Variants in DMD observed in about 807,000 individuals in gnomAD.
DMD encodes mutant dystrophin.
DMD carries 63 observed loss-of-function variants against 330.1 expected under a neutral mutation model. The observed-to-expected ratio is 0.19, with a 90% CI of 0.16 to 0.24. The LOEUF (loss-of-function observed/expected upper bound fraction) is 0.24. Ranked by LOEUF, DMD falls within the 10% of genes least tolerant of loss-of-function variation. The pLI is 1.00. For synonymous variants in DMD, 1,223 were observed against 959.8 expected, an observed-to-expected ratio of 1.27 and a Z score of -5.07; for missense variants, 3,344 against 2,684.1, an observed-to-expected ratio of 1.25 and a Z score of -5.43.
chrX:32,380,847 A>T (rs895030480), intron 33 of DMD, among the ~76,000 whole-genome samples, 167 bp from the exon 34 acceptor site: 32 of 111,494 alleles, frequency 2.9e-4, no homozygotes, highest in African/African-American at 9.4e-4. Flanking sequence ...TTAAGAGTGA[A>T]TAAAAACTGT....
chrX:32,598,286 T>C (rs1163560647), intron 12 of DMD, among the ~76,000 whole-genome samples: 1 of 112,036 alleles, frequency 8.9e-6, no homozygotes, highest in East Asian at 2.8e-4. Context: ...TAATGGTTAA[T>C]AAAACTCTTT....
rs398124046 is a variant in DMD, at chrX:31,773,950, T to C, written c.7542+10A>G. 6 of 1,196,502 alleles carry C rather than the reference T, an allele frequency of 5.0e-6. No homozygotes were observed. In the Admixed American group the frequency reaches 1.1e-4, roughly 22 times the overall value. On this transcript the variant is annotated intron_variant, in intron 51 of 78. Transcript: ENST00000357033. ...AAACTTCTGCCAACTTTTATCATTT[T>C]TTCTCATACCTTCTGCTTGATGATC...
At chrX:32,742,698 C>T (rs1413070102) in intron 7 of DMD, among the ~76,000 whole-genome samples, 1 of 111,803 alleles carries the variant, frequency 8.9e-6, no homozygotes, top group East Asian at 2.8e-4. Flanking sequence ...CAAGGCAACA[C>T]AGACATTGGG....
At chrX:31,247,368 G>A (rs1033178661) in intron 63 of DMD, among the ~76,000 whole-genome samples, 1 of 110,985 alleles carries the variant, frequency 9.0e-6, no homozygotes, top group Non-Finnish European at 1.9e-5. Context: ...TTGGGAGGCC[G>A]AGGCAGGTGG....
rs754162660 is a variant in DMD, at chrX:32,013,093, C to CTTTTTTTTTTTTTTTTTTTTTTTTTT, written c.6439-44580_6439-44579insAAAAAAAAAAAAAAAAAAAAAAAAAA. On this transcript the variant is annotated intron_variant, in intron 44 of 78. Coordinates refer to ENST00000357033, the MANE Select transcript of DMD (RefSeq NM_004006.3). ...GGAAATTAATCTTTTCTTTTCTTTCCTTTTTTTTTTTTTGAGATGGAATCT... is the reference window on the plus strand; with the variant it reads ...GGAAATTAATCTTTTCTTTTCTTTCCTTTTTTTTTTTTTTTTTTTTTTTTTTTTTTTTTTTTTTTGAGATGGAATCT... Among the ~76,000 whole-genome samples, 17 of 61,191 alleles carry CTTTTTTTTTTTTTTTTTTTTTTTTTT rather than the reference C, an allele frequency of 2.8e-4. 1 individual carries two copies. Among genetic ancestry groups the CTTTTTTTTTTTTTTTTTTTTTTTTTT allele is most frequent in the East Asian group, 1.3e-3 (2 of 1,537 alleles). The allele number at this position is 61,191 out of a possible 115,157, so 53.1% of individuals were successfully genotyped here.
chrX:31,407,596 C>G (rs1476014093), intron 60 of DMD, among the ~76,000 whole-genome samples: 5 of 107,529 alleles, frequency 4.6e-5, no homozygotes, highest in Non-Finnish European at 9.6e-5. Flanking sequence ...CTCAGCCTCC[C>G]GAGTAGCTGG....
Position 32,895,790 on chromosome X carries a change from G to A in DMD, c.94-45970C>T, listed in dbSNP as rs766812786. On this transcript the variant is annotated intron_variant, in intron 2 of 78. Transcript: ENST00000357033. ...AGAGAATTCTGATATTTATATATTCGGCTGAGGTTGAGAGCTTTCAAGGAT... is the reference window on the plus strand; with the variant it reads ...AGAGAATTCTGATATTTATATATTCAGCTGAGGTTGAGAGCTTTCAAGGAT... Among the ~76,000 whole-genome samples, 26 of 110,370 alleles carry A rather than the reference G, an allele frequency of 2.4e-4. 1 individual carries two copies. The highest frequency in any genetic ancestry group is 2.0e-4 in the Admixed American group (2 of 10,214).
intron 21 of DMD, among the ~76,000 whole-genome samples, chrX:32,480,780 G>A (rs1203706425): frequency 9.1e-6 from 1 of 110,400 alleles, no homozygotes; most frequent in African/African-American, 3.3e-5. Context: ...CTCACAATAA[G>A]CACATAGCTT....
At chrX:31,836,931 G>C in intron 48 of DMD, 112 bp from the exon 49 acceptor site, 1 of 595,815 alleles carries the variant, frequency 1.7e-6, no homozygotes, top group Non-Finnish European at 2.7e-6. Context: ...ATTTCTGCCT[G>C]GTACATAAGG....
chrX:32,428,811 C>T (rs766642088), intron 29 of DMD, among the ~76,000 whole-genome samples: 336 of 111,393 alleles, frequency 3.0e-3, no homozygotes, highest in African/African-American at 0.011. Context: ...GGGGTTTCAC[C>T]ATGCTGCCCA....
At position 31,195,066 on chromosome X, in the gene DMD, G is replaced by T. The variant is rs2042746016; in HGVS notation, c.9807+8895C>A. ...AAGAGTTGTCTTTGTGAGACAAGAA[G>T]AAGTAAAAGGCTTCCCATAACTACC... On this transcript the variant is annotated intron_variant, in intron 67 of 78. Coordinates refer to ENST00000357033, the MANE Select transcript of DMD (RefSeq NM_004006.3). Among the ~76,000 whole-genome samples, 5 of 111,997 alleles carry T rather than the reference G, an allele frequency of 4.5e-5. No individual in the cohort carries two copies. In the Admixed American group the frequency reaches 4.7e-4, roughly 11 times the overall value.
At chrX:32,406,386 G>T (rs774639765) in intron 30 of DMD, among the ~76,000 whole-genome samples, 2 of 110,322 alleles carry the variant, frequency 1.8e-5, no homozygotes, top group Non-Finnish European at 3.8e-5. Context: ...ATTGGCTGTG[G>T]GTTCATCATA....
chrX:31,394,731 T>C (rs1260088978), intron 60 of DMD, among the ~76,000 whole-genome samples: 2 of 111,468 alleles, frequency 1.8e-5, no homozygotes, highest in Non-Finnish European at 3.8e-5. Flanking sequence ...GAGCCAGAGG[T>C]TGCAGTGAGC....
intron 44 of DMD, among the ~76,000 whole-genome samples, chrX:31,984,935 T>C (rs558042638): frequency 1.1e-4 from 12 of 111,943 alleles, no homozygotes; most frequent in Middle Eastern, 4.6e-3. Context: ...GTTTTTGCAG[T>C]AACAGGTCAT....
intron 41 of DMD, among the ~76,000 whole-genome samples, chrX:32,334,688 C>A (rs928660058): frequency 1.8e-5 from 2 of 111,326 alleles, no homozygotes; most frequent in Admixed American, 1.9e-4. Flanking sequence ...AAAGAATATT[C>A]TTATTTCACC....
rs148241865 is a variant in DMD at position 31,478,964 on chromosome X, T to C, written c.8668+19A>G. 2,125 of 1,206,468 alleles carry C rather than the reference T, an allele frequency of 1.8e-3. 24 individuals carry two copies. The African/African-American group carries it at 0.033, about 19-fold the overall frequency. ...TGATCCTTCTATCAATATGTTATTA[T>C]AGTTCCACATTCAATTACCTCTGGG... On this transcript the variant is annotated intron_variant, in intron 58 of 78. Transcript: ENST00000357033.
intron 7 of DMD, among the ~76,000 whole-genome samples, chrX:32,722,306 T>C (rs1383979278): frequency 9.0e-6 from 1 of 110,873 alleles, no homozygotes; most frequent in Non-Finnish European, 1.9e-5. Flanking sequence ...CAACAAAAAA[T>C]ATTAATACAA....
At position 31,829,961 on chromosome X, in the gene DMD, A is replaced by T. The variant is rs763244905; in HGVS notation, c.7200+6757T>A. ...CAGCATGAGCTACTGAGTACATGAG[A>T]CTTTTCACTCAAATATTCTCTCAGA... On this transcript the variant is annotated intron_variant, in intron 49 of 78. Coordinates refer to ENST00000357033, the MANE Select transcript of DMD (RefSeq NM_004006.3). Among the ~76,000 whole-genome samples the T allele has an allele frequency of 9.8e-5, 11 of 112,465 alleles. No individual in the cohort carries two copies. The South Asian group carries it at 1.1e-3, about 11-fold the overall frequency.
At chrX:31,679,703 T>C (rs1479309853) in intron 52 of DMD, 117 bp from the exon 53 acceptor site, 3 of 629,965 alleles carry the variant, frequency 4.8e-6, no homozygotes, top group African/African-American at 4.4e-5. Flanking sequence ...AAATTATTCA[T>C]TGTGTTATGG....
Sources: gnomAD v4.1 joint callset for allele counts (sites outside exome capture counted in the v4.1 genomes callset) on GRCh38, gnomAD v4.1.1 for gene constraint, MANE v1.5 for transcripts, NCBI Gene and HGNC (gene_info 2026-07-23, HGNC 2026-07-21) for gene names.